SEZ6: variants seen among roughly 807,000 people sequenced by gnomAD.
SEZ6 encodes seizure related 6 homolog, also known as seizure protein 6 homolog.
Under a neutral mutation model 101.0 loss-of-function variants are expected in SEZ6, and 53 were observed. That is an observed-to-expected ratio of 0.52 (90% CI 0.42 to 0.66). The LOEUF is 0.66. Among genes scored for constraint, SEZ6 ranks in the 30% least tolerant of loss-of-function variants. The pLI is 0.00. For missense variants in SEZ6, 1,102 were observed against 1,289.4 expected (o/e 0.85, Z 2.23); for synonymous variants, 488 against 512.2 (o/e 0.95, Z 0.64).
At position 28,959,692 on chromosome 17, in the gene SEZ6, A is replaced by G. The variant is rs1361573375; in HGVS notation, c.1771+6T>C. ...CCGGTAGGCCCATCCACTGGTGTCTACTGACCTCGGCAGGCTGGCTCTGTC... is the reference window on the plus strand; with the variant it reads ...CCGGTAGGCCCATCCACTGGTGTCTGCTGACCTCGGCAGGCTGGCTCTGTC... On this transcript the variant is annotated splice_donor_region_variant and intron_variant, in intron 8 of 16. Transcript: ENST00000317338. The surrounding 1 kb of genome is among the most constrained non-coding windows in gnomAD (Gnocchi z 4.4). 3.2e-6 allele frequency: 5 copies of G among 1,582,200 alleles called. No homozygotes were observed. Among genetic ancestry groups the G allele is most frequent in the African/African-American group, 2.7e-5 (2 of 74,550 alleles).
rs201422247 is a variant in SEZ6 at position 28,960,861 on chromosome 17, C to T, written c.1353G>A (p.Glu451=). ...CAAAGTGCAGGTGTAGCCGCTGGCC[C>T]TCAGGAGCCTCAAGCAGCCAGTGAC... is the stretch of plus-strand genomic sequence containing the variant. The part of the protein sequence containing the change: ...LTCHWLLEAP[E]GQRLHLHFEK... Residue 451 remains glutamate, a synonymous_variant, in exon 6 of 17, where the codon GAG becomes GAA. Transcript: ENST00000317338. 1.2e-6 allele frequency: 2 copies of T among 1,613,978 alleles called. No homozygotes were observed. Among genetic ancestry groups the T allele is most frequent in the Admixed American group, 1.7e-5 (1 of 60,024 alleles).
At chr17:28,978,992 C>A (rs2041261512) in intron 3 of SEZ6, among the ~76,000 whole-genome samples, 1 of 152,064 alleles carries the variant, frequency 6.6e-6, no homozygotes, top group South Asian at 2.1e-4. Context: ...TTAAGGGACA[C>A]CATCCACATT....
At chr17:28,967,301 T>A (rs1371883381) in intron 4 of SEZ6, among the ~76,000 whole-genome samples, 4 of 152,220 alleles carry the variant, frequency 2.6e-5, no homozygotes, top group Admixed American at 2.6e-4. Context: ...GTAGGGGCTA[T>A]GAGCCCATTT....
intron 2 of SEZ6, among the ~76,000 whole-genome samples, chr17:28,980,916 G>A (rs2041291304): frequency 6.6e-6 from 1 of 152,014 alleles, no homozygotes; most frequent in South Asian, 2.1e-4. Flanking sequence ...TCTTTTTTGA[G>A]ACAGAGTCTC....
chr17:28,996,626 C>T (rs2041547035), intron 1 of SEZ6, among the ~76,000 whole-genome samples: 1 of 152,066 alleles, frequency 6.6e-6, no homozygotes, highest in Admixed American at 6.5e-5. Flanking sequence ...TACACCCAGG[C>T]CACAGTCCTA....
In SEZ6 at chr17:28,954,949, T is replaced by C. The variant is rs1022740464; in HGVS notation, c.*1013A>G. 1 of 110,618 alleles carries C rather than the reference T, an allele frequency of 9.0e-6. No individual in the cohort carries two copies. Among genetic ancestry groups the C allele is most frequent in the Non-Finnish European group, 1.8e-5 (1 of 55,972 alleles). 6.9% of individuals were successfully genotyped at this position (110,618 alleles called of 1,614,324 possible). ...TTTTTTTCCAAAAACACCATTTTAA[T>C]AAGGAAACAACAGAAATAAAAGATT... is the stretch of plus-strand genomic sequence containing the variant. On this transcript the variant is annotated 3_prime_UTR_variant, in exon 17 of 17. Coordinates refer to ENST00000317338, the MANE Select transcript of SEZ6 (RefSeq NM_178860.5).
rs544618923 is a variant in SEZ6 at position 29,002,559 on chromosome 17, G to A, written c.55+3256C>T. Among the ~76,000 whole-genome samples the A allele has an allele frequency of 3.9e-5, 6 of 152,284 alleles. No individual in the cohort carries two copies. The South Asian group carries it at 8.3e-4, about 21-fold the overall frequency. ...GGTCCTCCAGCCTCCTTGGAAGCCC[G>A]GGGCTGGTGGGTGGGGGTGTGCTCC... On this transcript the variant is annotated intron_variant, in intron 1 of 16. Coordinates refer to ENST00000317338, the MANE Select transcript of SEZ6 (RefSeq NM_178860.5).
At chr17:29,000,114 C>T (rs117205044) in intron 1 of SEZ6, among the ~76,000 whole-genome samples, 2,231 of 152,332 alleles carry the variant, frequency 0.015, 22 homozygotes, top group Non-Finnish European at 0.02. Context: ...CAAAGCACTT[C>T]GTACAGCGCC....
chr17:29,003,374 G>A (rs1356948086), intron 1 of SEZ6, among the ~76,000 whole-genome samples: 1 of 152,186 alleles, frequency 6.6e-6, no homozygotes, highest in Non-Finnish European at 1.5e-5. Context: ...GTGAGCTTGG[G>A]CCAAGCCCAG....
chr17:28,960,257 T>A (rs2040954458), intron 7 of SEZ6: 1 of 605,754 alleles, frequency 1.7e-6, no homozygotes, highest in African/African-American at 1.9e-5. Flanking sequence ...CTTTTCAAAA[T>A]CTGGAGAATT....
chr17:28,977,276 C>T (rs913923393), intron 3 of SEZ6, among the ~76,000 whole-genome samples: 3 of 152,218 alleles, frequency 2.0e-5, no homozygotes, highest in African/African-American at 7.2e-5. Flanking sequence ...TTAGTTCTGG[C>T]TGATTCTTTC....
intron 4 of SEZ6, among the ~76,000 whole-genome samples, chr17:28,968,446 G>C (rs2152685974): frequency 6.6e-6 from 1 of 152,330 alleles, no homozygotes; most frequent in Non-Finnish European, 1.5e-5. Flanking sequence ...GGAGTTTTGT[G>C]CAAAGGAATT....
chr17:28,980,526 C>A (rs142323480), intron 2 of SEZ6, among the ~76,000 whole-genome samples: 2,522 of 151,936 alleles, frequency 0.017, 65 homozygotes, highest in African/African-American at 0.057. Flanking sequence ...CCCCCCACTA[C>A]GCCCGGCTAA....
At chr17:28,966,415 AG>A (rs772793018) in intron 4 of SEZ6, among the ~76,000 whole-genome samples, 7 of 151,006 alleles carry the variant, frequency 4.6e-5, no homozygotes, top group Non-Finnish European at 7.4e-5. Context: ...CTCGGGAGGC[AG>A]AGGTTGCAGT....
intron 1 of SEZ6, among the ~76,000 whole-genome samples, chr17:28,990,776 C>T (rs1332178831): frequency 6.6e-6 from 1 of 151,518 alleles, no homozygotes; most frequent in East Asian, 1.9e-4. Flanking sequence ...AGAAGACTCC[C>T]GAATAATAGT....
Position 28,956,259 on chromosome 17 carries a change from A to T in SEZ6, c.2852T>A (p.Leu951His). The change falls in exon 16 of 17, where the codon CTC (leucine) becomes CAC (histidine). Residue 951 changes from leucine to histidine, a missense_variant and splice_region_variant. By Grantham distance (99) the Leu-to-His change is moderately conservative. Transcript: ENST00000317338. ...VGGVYFYFSR[L>H]QGKSSLQLPR... is the part of the protein sequence containing the mutation. ...CAGCTGCAGGGAGCTTTTTCCCTGG[A>T]GCCTGTGGGGCAGAGAAGCCTGCAA... 6.3e-7 allele frequency: 1 copy of T among 1,597,280 alleles called. No homozygotes were observed. The highest frequency in any genetic ancestry group is 8.5e-7 in the Non-Finnish European group (1 of 1,172,346).
At chr17:28,973,047 C>T (rs1012351319) in intron 3 of SEZ6, among the ~76,000 whole-genome samples, 1 of 152,200 alleles carries the variant, frequency 6.6e-6, no homozygotes, top group African/African-American at 2.4e-5. Flanking sequence ...GATCTTGCTG[C>T]TTTGGGACCA....
At position 28,960,682 on chromosome 17, in the gene SEZ6, A is replaced by C; in HGVS notation, c.1410-11T>G. On this transcript the variant is annotated splice_polypyrimidine_tract_variant and intron_variant, in intron 6 of 16. Coordinates refer to ENST00000317338, the MANE Select transcript of SEZ6 (RefSeq NM_178860.5). ...TTGCGAATGATGAGCCTGAACCAGG[A>C]GAGTGGCAGCTATGTAGGCTGGTGG... 6.2e-7 allele frequency: 1 copy of C among 1,610,550 alleles called. No individual in the cohort carries two copies. The highest frequency in any genetic ancestry group is 8.5e-7 in the Non-Finnish European group (1 of 1,178,464).
intron 3 of SEZ6, among the ~76,000 whole-genome samples, chr17:28,973,479 G>C (rs182493341): frequency 3.1e-4 from 47 of 152,276 alleles, no homozygotes; most frequent in Admixed American, 3.1e-3. Context: ...GGCCCCCTCT[G>C]GTCCAGGGGA....
Sources: allele counts gnomAD v4.1 joint callset (sites outside exome capture counted in the v4.1 genomes callset), GRCh38; gene constraint gnomAD v4.1.1; non-coding constraint Gnocchi (gnomAD v3.1); transcripts MANE v1.5; gene names NCBI Gene and HGNC (gene_info 2026-07-23, HGNC 2026-07-21).